Variants in GPR26 observed in about 807,000 individuals in gnomAD.
GPR26 encodes G protein-coupled receptor 26.
Under a neutral mutation model 23.1 loss-of-function variants are expected in GPR26, and 15 were observed. The ratio of observed to expected loss-of-function variants is 0.65; its 90% CI spans 0.43 to 1.00. The LOEUF is 1.00. Among genes scored for constraint, GPR26 ranks in the 50% least tolerant of loss-of-function variants. The probability of loss-of-function intolerance (pLI) is 0.00; values close to 1 mark genes in which losing one functional copy is unlikely to be tolerated. For synonymous variants in GPR26, 228 were observed against 222.1 expected (o/e 1.03, Z -0.24); for missense variants, 359 against 470.5 (o/e 0.76, Z 2.19).
At chr10:123,680,829 G>GTTT (rs1564732133) in intron 2 of GPR26, among the ~76,000 whole-genome samples, 17 of 109,446 alleles carry the variant, frequency 1.6e-4, no homozygotes, top group Non-Finnish European at 1.0e-4. Context: ...TGTTTTTTTG[G>GTTT]GGGGGGGGGT....
At chr10:123,687,786 G>A (rs1468986841) in intron 2 of GPR26, 143 bp from the exon 3 acceptor site, 1 of 618,282 alleles carries the variant, frequency 1.6e-6, no homozygotes, top group African/African-American at 1.8e-5. Context: ...AACTGTTATT[G>A]TTATTTGAGG....
At chr10:123,669,087 G>A (rs1027212388) in intron 1 of GPR26, among the ~76,000 whole-genome samples, 1 of 152,120 alleles carries the variant, frequency 6.6e-6, no homozygotes, top group African/African-American at 2.4e-5. Context: ...CCTAGCCCCG[G>A]GCTGCTTTGA....
At chr10:123,667,146 C>T in intron 1 of GPR26, 71 bp downstream of exon 1, 2 of 1,141,514 alleles carry the variant, frequency 1.8e-6, no homozygotes, top group Non-Finnish European at 2.4e-6. Context: ...GGTCCCTAGC[C>T]CCAGGGGCTC....
At position 123,696,147 on chromosome 10, in the gene GPR26, C is replaced by T. The variant is rs906541352; in HGVS notation, c.*7987C>T. On this transcript the variant is annotated 3_prime_UTR_variant, in exon 3 of 3. Coordinates refer to ENST00000284674, the MANE Select transcript of GPR26 (RefSeq NM_153442.4). ...AGGAATGCATAGATCTCTCCTTCTGCCATAGTATGTCGTGTGTAGTGGATG... is the reference window on the plus strand; with the variant it reads ...AGGAATGCATAGATCTCTCCTTCTGTCATAGTATGTCGTGTGTAGTGGATG... Among the ~76,000 whole-genome samples, 1 of 152,182 alleles carries T rather than the reference C, an allele frequency of 6.6e-6. No individual in the cohort carries two copies. Among genetic ancestry groups the T allele is most frequent in the African/African-American group, 2.4e-5 (1 of 41,454 alleles).
chr10:123,671,633 C>T (rs1424446036), intron 1 of GPR26, among the ~76,000 whole-genome samples: 1 of 152,174 alleles, frequency 6.6e-6, no homozygotes, highest in Non-Finnish European at 1.5e-5. Context: ...ATAGATTCTG[C>T]CTGCAGGTCT....
intron 2 of GPR26, among the ~76,000 whole-genome samples, chr10:123,685,503 A>G (rs926738728): frequency 6.6e-6 from 1 of 151,914 alleles, no homozygotes; most frequent in African/African-American, 2.4e-5. Context: ...CATCCCAGCT[A>G]CCCCCCGCCA....
chr10:123,695,233 TA>T lies in GPR26; in HGVS notation c.*7076del, dbSNP rs1490957406. ...ACGTATACCCATATTTAAGGACTTT[TA>T]AAGTAATTTGGATTTTTAACTCAAA... On this transcript the variant is annotated 3_prime_UTR_variant, in exon 3 of 3. Coordinates refer to ENST00000284674, the MANE Select transcript of GPR26 (RefSeq NM_153442.4). 6.6e-6 allele frequency among the ~76,000 whole-genome samples: 1 copy of T among 152,222 alleles called. No homozygotes were observed. Among genetic ancestry groups the T allele is most frequent in the Non-Finnish European group, 1.5e-5 (1 of 68,032 alleles).
At chr10:123,676,782 A>G (rs77183179) in intron 2 of GPR26, among the ~76,000 whole-genome samples, 5,983 of 152,140 alleles carry the variant, frequency 0.039, 362 homozygotes, top group African/African-American at 0.13. Context: ...GCTCCCCCAC[A>G]TCCTGCTGTG....
chr10:123,667,650 G>T (rs867648424), intron 1 of GPR26, among the ~76,000 whole-genome samples: 1 of 151,642 alleles, frequency 6.6e-6, no homozygotes, highest in Non-Finnish European at 1.5e-5. Context: ...GGCCCTGAGG[G>T]GTGGGGTGGG....
At chr10:123,687,800 C>T in intron 2 of GPR26, 129 bp from the exon 3 acceptor site, 1 of 629,126 alleles carries the variant, frequency 1.6e-6, no homozygotes, top group East Asian at 2.7e-5. Flanking sequence ...TTTGAGGAGG[C>T]AGTCTCAGAT....
chr10:123,667,787 G>A lies in GPR26; in HGVS notation c.668+712G>A, dbSNP rs980644157. On this transcript the variant is annotated intron_variant, in intron 1 of 2. Transcript: ENST00000284674. ...AATCTGCCCCCACCTCCGTCGTCAC[G>A]CTGGCTGCTGTTCTCAGGAGGGCAG... Among the ~76,000 whole-genome samples the A allele has an allele frequency of 6.6e-5, 10 of 152,066 alleles. No homozygotes were observed. In the South Asian group the frequency reaches 1.5e-3, roughly 22 times the overall value.
chr10:123,671,866 A>T (rs1845253535), intron 1 of GPR26, among the ~76,000 whole-genome samples: 1 of 152,166 alleles, frequency 6.6e-6, no homozygotes, highest in Non-Finnish European at 1.5e-5. Flanking sequence ...ATAACAGCTC[A>T]TAGGGCTGCA....
chr10:123,679,624 G>A (rs1418366971), intron 2 of GPR26, among the ~76,000 whole-genome samples: 4 of 122,322 alleles, frequency 3.3e-5, no homozygotes, highest in Non-Finnish European at 5.3e-5. Context: ...GTCAGGGAGT[G>A]TTTGAATAAT....
rs992853685 is a variant in GPR26, at chr10:123,674,174, T to C, written c.669-644T>C. On this transcript the variant is annotated intron_variant, in intron 1 of 2. Coordinates refer to ENST00000284674, the MANE Select transcript of GPR26 (RefSeq NM_153442.4). The surrounding 1 kb of genome is among the most constrained non-coding windows in gnomAD (Gnocchi z 4.1). ...GGTTTCACCACGTTGGCCAGGCTGG[T>C]CTCAAACTCCCGACCTCAGGTGATC... is the stretch of plus-strand genomic sequence containing the variant. Among the ~76,000 whole-genome samples the C allele has an allele frequency of 6.6e-6, 1 of 152,108 alleles. No individual in the cohort carries two copies. Among genetic ancestry groups the C allele is most frequent in the Admixed American group, 6.6e-5 (1 of 15,260 alleles).
intron 2 of GPR26, among the ~76,000 whole-genome samples, chr10:123,677,273 G>C (rs1336175660): frequency 6.6e-6 from 1 of 152,096 alleles, no homozygotes; most frequent in Non-Finnish European, 1.5e-5. Flanking sequence ...AACTCAATAT[G>C]CTCCCTCCAA....
chr10:123,674,717 G>A lies in GPR26; in HGVS notation c.669-101G>A. The A allele has an allele frequency of 1.4e-6, 1 of 732,298 alleles. No homozygotes were observed. 45.4% of individuals were successfully genotyped at this position (732,298 alleles called of 1,614,324 possible). A position where few individuals can be genotyped will look rare whatever the true frequency, so the allele number is the denominator to read the frequency against. ...TGGGTCTTTCCGACTCCATAGTCAAGTTCTCACACTAGAGACTGCTGCCTG... is the reference window on the plus strand; with the variant it reads ...TGGGTCTTTCCGACTCCATAGTCAAATTCTCACACTAGAGACTGCTGCCTG... On this transcript the variant is annotated intron_variant, in intron 1 of 2. Coordinates refer to ENST00000284674, the MANE Select transcript of GPR26 (RefSeq NM_153442.4). The surrounding 1 kb of genome is among the most constrained non-coding windows in gnomAD (Gnocchi z 4.1).
rs116466334 is a variant in GPR26, at chr10:123,683,809, C to G, written c.783-4120C>G. On this transcript the variant is annotated intron_variant, in intron 2 of 2. Coordinates refer to ENST00000284674, the MANE Select transcript of GPR26 (RefSeq NM_153442.4). ...AAGCACACAGGGTTTGGGGGTCTGG[C>G]AAGATCTGTGGGTATCTGCTCTGTG... Among the ~76,000 whole-genome samples the G allele has an allele frequency of 2.9e-3, 439 of 152,304 alleles. 1 individual carries two copies. The highest frequency in any genetic ancestry group is 9.7e-3 in the African/African-American group (402 of 41,562).
chr10:123,674,942 T>C lies in GPR26; in HGVS notation c.782+11T>C, dbSNP rs1845288700. On this transcript the variant is annotated intron_variant, in intron 2 of 2. Transcript: ENST00000284674. The surrounding 1 kb of genome is among the most constrained non-coding windows in gnomAD (Gnocchi z 4.1). Reference sequence around the variant, plus strand: ...CTATGTGATCACCAGGTGAGCCTGATTGGCAGGTGTGTCTTGGGACTTTGA... The same window carrying C: ...CTATGTGATCACCAGGTGAGCCTGACTGGCAGGTGTGTCTTGGGACTTTGA... The C allele has an allele frequency of 2.0e-6, 3 of 1,533,142 alleles. No individual in the cohort carries two copies. The highest frequency in any genetic ancestry group is 2.7e-6 in the Non-Finnish European group (3 of 1,107,778). The allele number at this position is 1,533,142 out of a possible 1,614,324, so 95.0% of individuals were successfully genotyped here. A position where few individuals can be genotyped will look rare whatever the true frequency, so the allele number is the denominator to read the frequency against.
At chr10:123,681,980 T>A (rs778928786) in intron 2 of GPR26, among the ~76,000 whole-genome samples, 4 of 152,214 alleles carry the variant, frequency 2.6e-5, no homozygotes, top group Admixed American at 6.5e-5. Context: ...AGGGAGTGAC[T>A]GAGCCAAGAG....
Sources: gnomAD v4.1 joint callset for allele counts (sites outside exome capture counted in the v4.1 genomes callset) on GRCh38, gnomAD v4.1.1 for gene constraint, Gnocchi (gnomAD v3.1) non-coding constraint, MANE v1.5 for transcripts, NCBI Gene and HGNC (gene_info 2026-07-23, HGNC 2026-07-21) for gene names.